The following AGBL1 variants were observed in gnomAD, a reference collection of about 807,000 sequenced individuals.
The protein encoded by AGBL1 is cytosolic carboxypeptidase 4.
In AGBL1, 130 loss-of-function variants were observed where a neutral mutation model predicts 118.9. The observed-to-expected ratio is 1.09, with a 90% CI of 0.95 to 1.26. The LOEUF (loss-of-function observed/expected upper bound fraction) is 1.26. AGBL1 is among the 50% of genes most tolerant of loss of function. The pLI, the probability that AGBL1 is intolerant of heterozygous loss-of-function variation, is 0.00. For synonymous variants in AGBL1, 555 were observed against 478.9 expected, an observed-to-expected ratio of 1.16 and a Z score of -2.08; for missense variants, 1,584 against 1,298.1, an observed-to-expected ratio of 1.22 and a Z score of -3.38.
At chr15:86,865,677 A>T (rs1171189186) in intron 22 of AGBL1, among the ~76,000 whole-genome samples, 3 of 152,214 alleles carry the variant, frequency 2.0e-5, no homozygotes, top group Non-Finnish European at 4.4e-5. Flanking sequence ...AGCTTCATCC[A>T]CTAACACCTG....
intron 1 of AGBL1, among the ~76,000 whole-genome samples, chr15:86,082,346 C>T (rs1895342885): frequency 1.3e-5 from 2 of 152,224 alleles, no homozygotes; most frequent in Admixed American, 6.5e-5. Flanking sequence ...TCAAACCAGT[C>T]TGTCTCTTCT....
At chr15:86,227,501 C>G (rs1342665192) in intron 6 of AGBL1, among the ~76,000 whole-genome samples, 1 of 152,232 alleles carries the variant, frequency 6.6e-6, no homozygotes, top group Non-Finnish European at 1.5e-5. Context: ...CATCCCTGGC[C>G]TCTACCCACC....
At chr15:86,546,220 AGT>A in intron 20 of AGBL1, 87 bp downstream of exon 20, 1 of 1,079,674 alleles carries the variant, frequency 9.3e-7, no homozygotes, top group East Asian at 3.1e-5. Flanking sequence ...TCATTTATTT[AGT>A]TTTTTTTTTT....
chr15:86,725,803 A>G (rs755456994), intron 22 of AGBL1, among the ~76,000 whole-genome samples: 1 of 152,190 alleles, frequency 6.6e-6, no homozygotes, highest in Non-Finnish European at 1.5e-5. Flanking sequence ...GGATGAATCA[A>G]CCCTAAGTAC....
chr15:86,291,911 C>T (rs2079551590), intron 16 of AGBL1, among the ~76,000 whole-genome samples: 2 of 152,162 alleles, frequency 1.3e-5, no homozygotes, highest in African/African-American at 4.8e-5. Context: ...TGGTTAGATA[C>T]ATGGGCCTCT....
At position 86,548,129 on chromosome 15, in the gene AGBL1, G is replaced by T. The variant is rs181369175; in HGVS notation, c.2817+1996G>T. Among the ~76,000 whole-genome samples the T allele has an allele frequency of 1.6e-4, 24 of 152,230 alleles. No homozygotes were observed. In the East Asian group the frequency reaches 3.1e-3, roughly 20 times the overall value. ...ACAGATGGGAAAATTGAGACTCAGG[G>T]GAGAATGTCTTGGTAAGATAGGTTA... On this transcript the variant is annotated intron_variant, in intron 20 of 22. Coordinates refer to ENST00000614907, the MANE Select transcript of AGBL1 (RefSeq NM_001386094.1).
At chr15:86,654,163 G>T (rs1299099690) in intron 21 of AGBL1, among the ~76,000 whole-genome samples, 3 of 152,008 alleles carry the variant, frequency 2.0e-5, no homozygotes, top group African/African-American at 7.2e-5. Context: ...TCATGTACCT[G>T]AGTGAAAAAG....
At chr15:86,680,557 TTTC>T (rs1379166516) in intron 22 of AGBL1, among the ~76,000 whole-genome samples, 1 of 127,172 alleles carries the variant, frequency 7.9e-6, no homozygotes, top group Non-Finnish European at 1.7e-5. Context: ...TCTTTCTTTC[TTTC>T]TTTTCTTTTT....
intron 22 of AGBL1, among the ~76,000 whole-genome samples, chr15:86,783,867 G>A (rs2078369997): frequency 1.3e-5 from 2 of 152,284 alleles, no homozygotes; most frequent in African/African-American, 4.8e-5. Flanking sequence ...CTGACCTCAG[G>A]TGATTTGCCC....
intron 18 of AGBL1, among the ~76,000 whole-genome samples, chr15:86,467,196 G>C (rs2082418519): frequency 6.6e-6 from 1 of 152,208 alleles, no homozygotes; most frequent in Admixed American, 6.5e-5. Flanking sequence ...TAGAGATGCA[G>C]TCTGGCTACA....
At chr15:86,437,885 GT>G (rs2082017514) in intron 18 of AGBL1, among the ~76,000 whole-genome samples, 3 of 152,024 alleles carry the variant, frequency 2.0e-5, no homozygotes, top group African/African-American at 7.2e-5. Context: ...CTAAGCCTCA[GT>G]TTTCTTTTTT....
At chr15:86,751,183 C>G (rs2077846424) in intron 22 of AGBL1, among the ~76,000 whole-genome samples, 4 of 152,014 alleles carry the variant, frequency 2.6e-5, no homozygotes, top group African/African-American at 9.7e-5. Flanking sequence ...GTCTTTAGGT[C>G]TTTGAGGAAT....
chr15:86,290,893 A>T (rs986584179), intron 16 of AGBL1, among the ~76,000 whole-genome samples: 26 of 147,996 alleles, frequency 1.8e-4, no homozygotes, highest in Non-Finnish European at 3.7e-4. Flanking sequence ...TCCTGTGTCC[A>T]TGTGTTCTCA....
intron 18 of AGBL1, among the ~76,000 whole-genome samples, chr15:86,454,298 G>A (rs1220165146): frequency 1.3e-5 from 2 of 152,146 alleles, no homozygotes; most frequent in Non-Finnish European, 1.5e-5. Flanking sequence ...AATATAGAAC[G>A]ATTGGAACTC....
At chr15:86,982,562 C>T (rs952275520) in intron 23 of AGBL1, among the ~76,000 whole-genome samples, 3 of 152,140 alleles carry the variant, frequency 2.0e-5, no homozygotes, top group African/African-American at 7.2e-5. Flanking sequence ...TCCACCTCGC[C>T]TGCCTCTGTC....
intron 21 of AGBL1, among the ~76,000 whole-genome samples, chr15:86,555,080 AG>A (rs1369873062): frequency 6.6e-6 from 1 of 152,194 alleles, no homozygotes; most frequent in Non-Finnish European, 1.5e-5. Flanking sequence ...CTCATATGCT[AG>A]TGTTGAGAGA....
intron 21 of AGBL1, among the ~76,000 whole-genome samples, chr15:86,585,427 GTC>G (rs1325019274): frequency 6.6e-6 from 1 of 152,114 alleles, no homozygotes; most frequent in East Asian, 1.9e-4. Flanking sequence ...GGGTCTCACT[GTC>G]TCTGCCCAGG....
At chr15:86,392,002 A>G (rs2081294740) in intron 17 of AGBL1, among the ~76,000 whole-genome samples, 1 of 152,144 alleles carries the variant, frequency 6.6e-6, no homozygotes, top group South Asian at 2.1e-4. Context: ...GTGGTGCCTT[A>G]GTATTTGAAA....
At chr15:86,618,971 A>T (rs934631534) in intron 21 of AGBL1, among the ~76,000 whole-genome samples, 1 of 152,166 alleles carries the variant, frequency 6.6e-6, no homozygotes, top group African/African-American at 2.4e-5. Flanking sequence ...AGTAACTATC[A>T]TTAGAGATCA....
Sources: allele counts gnomAD v4.1 joint callset (sites outside exome capture counted in the v4.1 genomes callset), GRCh38; gene constraint gnomAD v4.1.1; transcripts MANE v1.5; gene names NCBI Gene and HGNC (gene_info 2026-07-23, HGNC 2026-07-21).